ZNF407: variants seen among roughly 807,000 people sequenced by gnomAD.
ZNF407 encodes zinc finger protein 407.
ZNF407 carries 17 observed loss-of-function variants against 131.2 expected under a neutral mutation model. The observed-to-expected ratio is 0.13, with a 90% CI of 0.09 to 0.19. ZNF407 has a LOEUF of 0.19. ZNF407 is among the 10% of genes least tolerant of loss of function. The pLI, the probability that ZNF407 is intolerant of heterozygous loss-of-function variation, is 1.00. For synonymous variants in ZNF407, 1,156 were observed against 1,062.0 expected, an observed-to-expected ratio of 1.09 and a Z score of -1.72; for missense variants, 2,681 against 2,830.6, an observed-to-expected ratio of 0.95 and a Z score of 1.20.
chr18:74,759,612 T>C (rs74768133), intron 3 of ZNF407, among the ~76,000 whole-genome samples: 3,250 of 152,218 alleles, frequency 0.021, 112 homozygotes, highest in African/African-American at 0.068. Context: ...TTTCTGTGAC[T>C]ATTTTCTTCT....
chr18:74,840,331 C>T (rs1970615108), intron 4 of ZNF407, among the ~76,000 whole-genome samples: 1 of 152,002 alleles, frequency 6.6e-6, no homozygotes, highest in African/African-American at 2.4e-5. Context: ...TCAGTGGTCT[C>T]TGTGGGCCAA....
chr18:74,685,336 A>G (rs1314388945), intron 3 of ZNF407, among the ~76,000 whole-genome samples: 1 of 152,196 alleles, frequency 6.6e-6, no homozygotes, highest in Non-Finnish European at 1.5e-5. Context: ...GTACTTTCAA[A>G]GTATATTCAG....
intron 8 of ZNF407, among the ~76,000 whole-genome samples, chr18:75,010,399 TC>T (rs1163760809): frequency 6.6e-6 from 1 of 152,162 alleles, no homozygotes; most frequent in Non-Finnish European, 1.5e-5. Context: ...GACAGCTCAC[TC>T]CAGGGTCATG....
chr18:75,062,094 C>T, intron 8 of ZNF407: 1 of 152,428 alleles, frequency 6.6e-6, no homozygotes, highest in Non-Finnish European at 1.5e-5. Context: ...CCCGAGCCTT[C>T]CACCGCCCTG....
chr18:74,687,826 A>G (rs1236996057), intron 3 of ZNF407, among the ~76,000 whole-genome samples: 1 of 152,202 alleles, frequency 6.6e-6, no homozygotes, highest in African/African-American at 2.4e-5. Flanking sequence ...CCCATCTAAC[A>G]TCATATGGTT....
Position 74,923,116 on chromosome 18 carries a change from T to C in ZNF407, c.5428+2424T>C, listed in dbSNP as rs141820754. On this transcript the variant is annotated intron_variant, in intron 8 of 8. Coordinates refer to ENST00000299687, the MANE Select transcript of ZNF407 (RefSeq NM_017757.3). The stretch of plus-strand genomic sequence containing the variant: ...TTTTTCAGTCCTTTTTAGCAACCAG[T>C]AAAACGATTTTTGTATCTTTTTCTA... 2.3e-3 allele frequency among the ~76,000 whole-genome samples: 358 copies of C among 152,342 alleles called. 4 individuals are homozygous for C. Among genetic ancestry groups the C allele is most frequent in the African/African-American group, 8.0e-3 (334 of 41,580 alleles).
At chr18:75,029,294 A>G (rs1265955763) in intron 8 of ZNF407, among the ~76,000 whole-genome samples, 1 of 152,236 alleles carries the variant, frequency 6.6e-6, no homozygotes, top group Non-Finnish European at 1.5e-5. Flanking sequence ...ATGTTATTAC[A>G]GCTCAGTGCT....
At chr18:74,952,420 T>C (rs1179159361) in intron 8 of ZNF407, among the ~76,000 whole-genome samples, 1 of 152,204 alleles carries the variant, frequency 6.6e-6, no homozygotes, top group African/African-American at 2.4e-5. Context: ...GTTACCCACC[T>C]GTTTACTGCC....
At chr18:74,997,984 A>T (rs1972799212) in intron 8 of ZNF407, among the ~76,000 whole-genome samples, 1 of 152,102 alleles carries the variant, frequency 6.6e-6, no homozygotes, top group South Asian at 2.1e-4. Flanking sequence ...TCACTCTCAC[A>T]GCCATGATCT....
intron 3 of ZNF407, among the ~76,000 whole-genome samples, chr18:74,726,985 C>T (rs1968173458): frequency 6.6e-6 from 1 of 151,908 alleles, no homozygotes; most frequent in African/African-American, 2.4e-5. Flanking sequence ...TGCATTTTTT[C>T]CATGTCTTAA....
At chr18:74,776,809 C>T (rs879930784) in intron 3 of ZNF407, among the ~76,000 whole-genome samples, 5 of 152,156 alleles carry the variant, frequency 3.3e-5, no homozygotes, top group Non-Finnish European at 7.3e-5. Flanking sequence ...GTATTATATG[C>T]TGTATTCTTA....
At chr18:75,025,728 T>C (rs1410126219) in intron 8 of ZNF407, among the ~76,000 whole-genome samples, 3 of 152,238 alleles carry the variant, frequency 2.0e-5, no homozygotes, top group African/African-American at 7.2e-5. Flanking sequence ...ATGCTACTTG[T>C]GGCACTTACT....
intron 7 of ZNF407, among the ~76,000 whole-genome samples, chr18:74,893,749 TAAG>T (rs1177156368): frequency 6.6e-6 from 1 of 152,182 alleles, no homozygotes; most frequent in Non-Finnish European, 1.5e-5. Context: ...ACATATTTCC[TAAG>T]AAGAAAATTG....
At chr18:74,940,337 C>A (rs1485737229) in intron 8 of ZNF407, among the ~76,000 whole-genome samples, 1 of 152,134 alleles carries the variant, frequency 6.6e-6, no homozygotes, top group Admixed American at 6.5e-5. Flanking sequence ...ACGCCTGCCC[C>A]TGCCCAGGGA....
At chr18:74,627,530 C>T (rs1983837782) in intron 1 of ZNF407, among the ~76,000 whole-genome samples, 1 of 152,190 alleles carries the variant, frequency 6.6e-6, no homozygotes, top group South Asian at 2.1e-4. Flanking sequence ...AGGGTTTCAC[C>T]ATGTTGCCCA....
At chr18:74,850,733 C>A (rs923703273) in intron 4 of ZNF407, among the ~76,000 whole-genome samples, 1 of 152,204 alleles carries the variant, frequency 6.6e-6, no homozygotes, top group Non-Finnish European at 1.5e-5. Context: ...TGGTACTCCA[C>A]ACCCATGTAG....
intron 3 of ZNF407, among the ~76,000 whole-genome samples, chr18:74,754,340 T>C (rs1283516914): frequency 6.6e-6 from 1 of 152,068 alleles, no homozygotes; most frequent in Non-Finnish European, 1.5e-5. Context: ...TTTGTGTCTC[T>C]TATTTCCTTC....
At chr18:74,650,493 G>A (rs1301915625) in intron 3 of ZNF407, among the ~76,000 whole-genome samples, 1 of 152,194 alleles carries the variant, frequency 6.6e-6, no homozygotes, top group Non-Finnish European at 1.5e-5. Context: ...CCACAGACAA[G>A]TTAGGTTGAT....
At chr18:74,899,212 G>A (rs1971491381) in intron 7 of ZNF407, among the ~76,000 whole-genome samples, 1 of 152,164 alleles carries the variant, frequency 6.6e-6, no homozygotes, top group African/African-American at 2.4e-5. Context: ...CACTGGTGCA[G>A]TACAAATAAT....
Sources: gnomAD v4.1 joint callset for allele counts (sites outside exome capture counted in the v4.1 genomes callset) on GRCh38, gnomAD v4.1.1 for gene constraint, MANE v1.5 for transcripts, NCBI Gene and HGNC (gene_info 2026-07-23, HGNC 2026-07-21) for gene names.